MYH7B: variants seen among roughly 807,000 people sequenced by gnomAD.
MYH7B encodes myosin heavy chain 7B.
In MYH7B, 205 loss-of-function variants were observed where a neutral mutation model predicts 234.5. The observed-to-expected ratio is 0.87, with a 90% CI of 0.78 to 0.98. MYH7B has a LOEUF of 0.98. Among genes scored for constraint, MYH7B ranks in the 50% least tolerant of loss-of-function variants. The pLI is 0.00. For synonymous variants in MYH7B, 1,193 were observed against 1,105.0 expected, an observed-to-expected ratio of 1.08 and a Z score of -1.58; for missense variants, 2,652 against 2,633.4, an observed-to-expected ratio of 1.01 and a Z score of -0.15.
At chr20:34,980,734 A>T (rs779959313) in exon 8 of MYH7B, 1 of 1,612,958 alleles carries the variant, frequency 6.2e-7, no homozygotes, top group East Asian at 2.2e-5. Context: ...CATGCTGCGC[A>T]GTAAGGGCCG....
chr20:34,983,315 T>C (rs955296893), intron 10 of MYH7B, among the ~76,000 whole-genome samples: 3 of 126,008 alleles, frequency 2.4e-5, no homozygotes, highest in African/African-American at 9.8e-5. Context: ...TTTTTTTTTT[T>C]TTGCCTTTTC....
chr20:34,979,654 C>T lies in MYH7B; in HGVS notation c.199-7C>T, dbSNP rs746298269. On this transcript the variant is annotated splice_region_variant and splice_polypyrimidine_tract_variant and intron_variant, in intron 6 of 44. Coordinates refer to ENST00000262873, the Ensembl canonical transcript of MYH7B. ...TCCCCCGGCCCCTGACACGATCTCC[C>T]TGGTAGGTGCTGATGGTGCGTGAAG... 19 of 1,614,132 alleles carry T rather than the reference C, an allele frequency of 1.2e-5. No homozygotes were observed. Among genetic ancestry groups the T allele is most frequent in the Non-Finnish European group, 1.6e-5 (19 of 1,180,022 alleles).
In MYH7B at chr20:34,997,467, C is replaced by T. The variant is rs2082283665; in HGVS notation, c.3574C>T (p.His1192Tyr). The change falls in exon 32 of 45, where the codon CAC (histidine) becomes TAC (tyrosine). Residue 1192 changes from histidine to tyrosine, a missense_variant. Physicochemically the swap from His to Tyr is moderately conservative, Grantham distance 83. This residue lies in a region of MYH7B where 2,279 missense variants were observed against 2,211.4 expected (regional missense o/e 1.03). Transcript: ENST00000262873. ...GGAGCTGGAGGAGGCGGCGCTGCGGCACGAGGCCACAGTGGCGGCACTGCG... is the reference window on the plus strand; with the variant it reads ...GGAGCTGGAGGAGGCGGCGCTGCGGTACGAGGCCACAGTGGCGGCACTGCG... 3 of 1,510,856 alleles carry T rather than the reference C, an allele frequency of 2.0e-6. No homozygotes were observed. In the African/African-American group the frequency reaches 4.3e-5, roughly 22 times the overall value. The allele number at this position is 1,510,856 out of a possible 1,614,324, so 93.6% of individuals were successfully genotyped here. A position where few individuals can be genotyped will look rare whatever the true frequency, so the allele number is the denominator to read the frequency against.
At chr20:34,970,431 G>T (rs977107559) in intron 2 of MYH7B, among the ~76,000 whole-genome samples, 1 of 152,226 alleles carries the variant, frequency 6.6e-6, no homozygotes, top group Non-Finnish European at 1.5e-5. Context: ...TGAGCTGGAA[G>T]GCCTTAGAGC....
In MYH7B at chr20:34,993,052, T is replaced by C. The variant is rs1399860228; in HGVS notation, c.2184-50T>C. On this transcript the variant is annotated intron_variant, in intron 24 of 44. Coordinates refer to ENST00000262873, the Ensembl canonical transcript of MYH7B. Reference sequence around the variant, plus strand: ...CCTGACTTCCCCATTCTCAGTGGCCTGTGCCCCATACCCAGCCCTCTCCTG... The same window carrying C: ...CCTGACTTCCCCATTCTCAGTGGCCCGTGCCCCATACCCAGCCCTCTCCTG... 4 of 1,582,028 alleles carry C rather than the reference T, an allele frequency of 2.5e-6. No homozygotes were observed. The Admixed American group carries it at 5.2e-5, about 20-fold the overall frequency.
exon 17 of MYH7B, chr20:34,987,643 G>A (rs753559158): frequency 5.0e-6 from 8 of 1,614,030 alleles, no homozygotes; most frequent in South Asian, 4.4e-5. Context: ...TGTAGGGAAC[G>A]AGTACGTGAC....
chr20:34,991,062 G>A, exon 24 of MYH7B: 2 of 1,613,958 alleles, frequency 1.2e-6, no homozygotes, highest in South Asian at 2.2e-5. Context: ...TCCTGGAGGG[G>A]ATCCGGATCT....
intron 26 of MYH7B, among the ~76,000 whole-genome samples, chr20:34,993,686 G>A (rs1171252419): frequency 6.6e-6 from 1 of 152,242 alleles, no homozygotes; most frequent in African/African-American, 2.4e-5. Flanking sequence ...ATCAGCGTGT[G>A]GCCCGGAGGG....
exon 39 of MYH7B, chr20:35,000,498 G>A (rs2082349970): frequency 6.3e-7 from 1 of 1,598,966 alleles, no homozygotes; most frequent in African/African-American, 1.3e-5. Flanking sequence ...GGAGCAGGCA[G>A]GGCGGGACGA....
At chr20:34,990,912 C>T in intron 23 of MYH7B, 87 bp downstream of exon 23, 1 of 1,564,468 alleles carries the variant, frequency 6.4e-7, no homozygotes, top group East Asian at 2.3e-5. Context: ...GTACATCTTC[C>T]CCCTCACCTC....
At chr20:34,973,681 C>T (rs1057502091) in intron 2 of MYH7B, among the ~76,000 whole-genome samples, 1 of 152,226 alleles carries the variant, frequency 6.6e-6, no homozygotes, top group African/African-American at 2.4e-5. Context: ...TGCTTCCTGT[C>T]GCTGCCCATG....
intron 13 of MYH7B, among the ~76,000 whole-genome samples, chr20:34,985,419 C>T (rs1461884247): frequency 6.6e-6 from 1 of 152,084 alleles, no homozygotes; most frequent in Non-Finnish European, 1.5e-5. Flanking sequence ...GACCCAAATC[C>T]TCATTTGGCC....
chr20:34,983,298 C>CTTTTTTTTTTTTTTTTTTTTTTCT (rs57589264), intron 10 of MYH7B, among the ~76,000 whole-genome samples: 1 of 71,668 alleles, frequency 1.4e-5, no homozygotes, highest in African/African-American at 3.6e-5. Context: ...CTTTTCTTTT[C>CTTTTTTTTTTTTTTTTTTTTTTCT]TTTTTTTTTT....
chr20:34,998,317 G>A lies in MYH7B; in HGVS notation c.3770G>A (p.Arg1257Gln), dbSNP rs777632469. 46 of 1,613,800 alleles carry A rather than the reference G, an allele frequency of 2.9e-5. 1 individual carries two copies. Among genetic ancestry groups the A allele is most frequent in the East Asian group, 1.8e-4 (8 of 44,904 alleles). ...TAGGCCAGTGCAGAGAAGCTGTGCCGGACCTATGAGGATCAGCTAAGCGAG... is the reference window on the plus strand; with the variant it reads ...TAGGCCAGTGCAGAGAAGCTGTGCCAGACCTATGAGGATCAGCTAAGCGAG... The change falls in exon 33 of 45, where the codon CGG becomes CAG. Residue 1257 changes from arginine to glutamine, a missense_variant. Physicochemically the swap from Arg to Gln is conservative, Grantham distance 43. Around this residue, in one of 3 missense-constraint regions of MYH7B, gnomAD observed 2,279 missense variants for 2,211.4 expected, o/e 1.03. Transcript: ENST00000262873.
exon 30 of MYH7B, chr20:34,996,748 A>C (rs753220271): frequency 6.8e-6 from 11 of 1,611,064 alleles, no homozygotes; most frequent in Admixed American, 1.7e-5. Flanking sequence ...GCTGGAGGAG[A>C]AGCTCAAGAA....
chr20:34,959,830 T>G (rs6088662), intron 2 of MYH7B, among the ~76,000 whole-genome samples: 29,776 of 152,170 alleles, frequency 0.2, 2,979 homozygotes, highest in Middle Eastern at 0.33. Flanking sequence ...TACCCTTTAT[T>G]GATCTGGTCG....
chr20:35,000,760 C>T lies in MYH7B; in HGVS notation c.5179-8C>T, dbSNP rs528293644. ...GCTGGCTGGCTCTGAGACTCCTCTT[C>T]CCCTCAGAACACAGGCCTCCTAAAC... On this transcript the variant is annotated splice_region_variant and splice_polypyrimidine_tract_variant and intron_variant, in intron 39 of 44. Coordinates refer to ENST00000262873, the Ensembl canonical transcript of MYH7B. The T allele has an allele frequency of 6.8e-6, 11 of 1,611,276 alleles. 1 individual carries two copies. In the East Asian group the frequency reaches 1.6e-4, roughly 23 times the overall value.
intron 19 of MYH7B, 127 bp from the exon 20 acceptor site, chr20:34,989,613 G>C (rs2082101349): frequency 1.1e-6 from 1 of 926,828 alleles, no homozygotes; most frequent in Admixed American, 2.9e-5. Context: ...CTGACCATCC[G>C]GGGAGATGGC....
intron 7 of MYH7B, chr20:34,980,042 A>G: frequency 7.2e-6 from 4 of 558,284 alleles, no homozygotes; most frequent in Non-Finnish European, 6.4e-6. Flanking sequence ...CAGCTGTAGC[A>G]GTGCGGGGCG....
Sources: gnomAD v4.1 joint callset for allele counts (sites outside exome capture counted in the v4.1 genomes callset) on GRCh38, gnomAD v4.1.1 for gene constraint, gnomAD v4.1.1 regional missense constraint, MANE v1.5 for transcripts, NCBI Gene and HGNC (gene_info 2026-07-23, HGNC 2026-07-21) for gene names.